The following SAMD12 variants were observed in gnomAD, a reference collection of about 807,000 sequenced individuals.
SAMD12 encodes sterile alpha motif domain-containing protein 12.
A neutral mutation model predicts 15.0 loss-of-function variants in SAMD12; 9 were observed. That is an observed-to-expected ratio of 0.60 (90% CI 0.36 to 1.05). SAMD12 has a LOEUF of 1.05. Among genes scored for constraint, SAMD12 ranks in the 50% least tolerant of loss-of-function variants. SAMD12 has a pLI of 0.01. For missense variants in SAMD12, 230 were observed against 234.2 expected, an observed-to-expected ratio of 0.98 and a Z score of 0.12; for synonymous variants, 86 against 90.1, an observed-to-expected ratio of 0.96 and a Z score of 0.25.
chr8:118,181,395 G>A, the SAMD12 span, among the ~76,000 whole-genome samples: 6 of 152,156 alleles, frequency 3.9e-5, no homozygotes, highest in East Asian at 1.2e-3. Flanking sequence ...GAACGCTGCT[G>A]CCACCTCAAA....
chr8:118,199,854 A>G (rs1165615606), intron 4 of SAMD12, among the ~76,000 whole-genome samples: 1 of 152,194 alleles, frequency 6.6e-6, no homozygotes, highest in African/African-American at 2.4e-5. Context: ...TATTAACCCA[A>G]GATCACACAG....
the SAMD12 span, among the ~76,000 whole-genome samples, chr8:118,179,601 T>C: frequency 6.6e-6 from 1 of 152,198 alleles, no homozygotes; most frequent in Non-Finnish European, 1.5e-5. Context: ...AACTTCCTTT[T>C]CTCTTTCCTC....
intron 4 of SAMD12, among the ~76,000 whole-genome samples, chr8:118,299,053 C>T (rs28365514): frequency 0.072 from 10,902 of 152,058 alleles, 1,195 homozygotes; most frequent in African/African-American, 0.23. Context: ...GTTCTTATAT[C>T]TGGGAAAAGT....
chr8:118,373,756 C>T (rs1164112545), downstream of SAMD12, among the ~76,000 whole-genome samples: 3 of 152,082 alleles, frequency 2.0e-5, no homozygotes, highest in Non-Finnish European at 4.4e-5. Flanking sequence ...CCTTACTTGC[C>T]ACTGTTTTCT....
At chr8:118,152,454 C>CCTTCCTTCCTT in the SAMD12 span, among the ~76,000 whole-genome samples, 5 of 144,280 alleles carry the variant, frequency 3.5e-5, no homozygotes, top group African/African-American at 7.9e-5. Flanking sequence ...CTCCCTCCCT[C>CCTTCCTTCCTT]CCTACCTTCC....
intron 4 of SAMD12, among the ~76,000 whole-genome samples, chr8:118,317,617 G>A (rs1003245106): frequency 6.6e-6 from 1 of 152,174 alleles, no homozygotes; most frequent in African/African-American, 2.4e-5. Flanking sequence ...TTGGGGGACA[G>A]TAGCTGGAAG....
rs1812060432 is a variant in SAMD12, at chr8:118,220,522, T to C, written c.434-22790A>G. ...CCTTACCTCCTTCCCAAGAATTTAGTTAATCACTACATTTTTCTTCTATCA... is the reference window on the plus strand; with the variant it reads ...CCTTACCTCCTTCCCAAGAATTTAGCTAATCACTACATTTTTCTTCTATCA... On this transcript the variant is annotated intron_variant, in intron 4 of 4. Coordinates refer to the SAMD12 transcript ENST00000409003. Among the ~76,000 whole-genome samples the C allele has an allele frequency of 2.0e-5, 3 of 152,186 alleles. No homozygotes were observed. The South Asian group carries it at 6.2e-4, about 32-fold the overall frequency.
At chr8:118,611,601 A>G (rs1045911507) in intron 1 of SAMD12, among the ~76,000 whole-genome samples, 4 of 152,210 alleles carry the variant, frequency 2.6e-5, no homozygotes, top group African/African-American at 9.7e-5. Flanking sequence ...TACAAAGTAC[A>G]TCTGTGGGAG....
At chr8:118,568,992 T>C (rs1332579362) in intron 2 of SAMD12, among the ~76,000 whole-genome samples, 4 of 152,218 alleles carry the variant, frequency 2.6e-5, no homozygotes, top group Non-Finnish European at 5.9e-5. Flanking sequence ...GGTATTCTTA[T>C]TAATAGTTCA....
At chr8:118,278,893 A>T (rs891832068) in intron 4 of SAMD12, among the ~76,000 whole-genome samples, 1 of 152,164 alleles carries the variant, frequency 6.6e-6, no homozygotes, top group African/African-American at 2.4e-5. Context: ...CTCATATAAG[A>T]TGTTGTCATA....
chr8:118,341,545 C>T (rs1252257599), intron 4 of SAMD12, among the ~76,000 whole-genome samples: 2 of 152,166 alleles, frequency 1.3e-5, no homozygotes, highest in African/African-American at 4.8e-5. Flanking sequence ...ATTTATCTCT[C>T]ATGGTTCTAG....
chr8:118,276,787 C>A (rs1813484336), intron 4 of SAMD12, among the ~76,000 whole-genome samples: 1 of 152,120 alleles, frequency 6.6e-6, no homozygotes, highest in South Asian at 2.1e-4. Flanking sequence ...AGTTTCCTGC[C>A]TCAACTTCCC....
intron 2 of SAMD12, among the ~76,000 whole-genome samples, chr8:118,469,512 A>AT (rs1563879071): frequency 7.1e-3 from 1 of 140 alleles, no homozygotes; most frequent in African/African-American, 0.011. Context: ...TTTATATAAT[A>AT]TATAATATAT....
At chr8:118,393,603 CTT>C (rs60507406) in intron 3 of SAMD12, among the ~76,000 whole-genome samples, 1 of 142,494 alleles carries the variant, frequency 7.0e-6, no homozygotes. Flanking sequence ...TTTTTCTTTT[CTT>C]TTTTTTTTTT....
At chr8:118,217,465 A>T (rs1811990916) in intron 4 of SAMD12, among the ~76,000 whole-genome samples, 1 of 152,226 alleles carries the variant, frequency 6.6e-6, no homozygotes, top group African/African-American at 2.4e-5. Context: ...TGGGTAAGGG[A>T]GTTTTTGTCC....
chr8:118,600,116 G>A (rs905556927), intron 1 of SAMD12, among the ~76,000 whole-genome samples: 1 of 152,170 alleles, frequency 6.6e-6, no homozygotes, highest in African/African-American at 2.4e-5. Flanking sequence ...AGATGTCAGT[G>A]AAGTGTGCTG....
chr8:118,264,732 GC>G (rs1299751355), intron 4 of SAMD12, among the ~76,000 whole-genome samples: 7 of 152,130 alleles, frequency 4.6e-5, no homozygotes, highest in Admixed American at 4.6e-4. Flanking sequence ...CTCCTACCTG[GC>G]TGGAGAACTG....
chr8:118,522,187 C>T (rs866674085), intron 2 of SAMD12, among the ~76,000 whole-genome samples: 12,717 of 126,906 alleles, frequency 0.1, 599 homozygotes, highest in South Asian at 0.19. Flanking sequence ...CATACACACA[C>T]ACACACACAC....
At chr8:118,600,551 T>C (rs140011141) in intron 1 of SAMD12, among the ~76,000 whole-genome samples, 1 of 152,338 alleles carries the variant, frequency 6.6e-6, no homozygotes, top group African/African-American at 2.4e-5. Flanking sequence ...TAATTTCTAA[T>C]TCTGGCATCA....
Sources: allele counts gnomAD v4.1 joint callset (sites outside exome capture counted in the v4.1 genomes callset), GRCh38; gene constraint gnomAD v4.1.1; transcripts MANE v1.5; gene names NCBI Gene and HGNC (gene_info 2026-07-23, HGNC 2026-07-21).